RIMS1: variants seen among roughly 807,000 people sequenced by gnomAD.
RIMS1 encodes regulating synaptic membrane exocytosis protein 1.
RIMS1 carries 83 observed loss-of-function variants against 214.1 expected under a neutral mutation model. The observed-to-expected ratio is 0.39, with a 90% confidence interval of 0.32 to 0.47. RIMS1 has a LOEUF of 0.47. RIMS1 is among the 20% of genes least tolerant of loss of function. RIMS1 has a pLI of 0.99. For synonymous variants in RIMS1, 793 were observed against 786.8 expected (o/e 1.01, Z -0.13); for missense variants, 2,050 against 2,161.8 (o/e 0.95, Z 1.03).
intron 1 of RIMS1, among the ~76,000 whole-genome samples, chr6:71,892,050 G>T (rs1456988727): frequency 6.6e-6 from 1 of 152,176 alleles, no homozygotes; most frequent in Non-Finnish European, 1.5e-5. Context: ...TGTGAGTTGG[G>T]TATTTTAGAG....
At position 72,163,087 on chromosome 6, in the gene RIMS1, CTTTT is replaced by C. The variant is rs770834408; in HGVS notation, c.472-16486_472-16483del. On this transcript the variant is annotated intron_variant, in intron 4 of 33. Transcript: ENST00000521978. ...TATTTCTTGGAGGCTTTGTTCATTTCTTTTTATTATTTTTTTCTCTAATCTTCTC... is the reference window on the plus strand; with the variant it reads ...TATTTCTTGGAGGCTTTGTTCATTTCTATTATTTTTTTCTCTAATCTTCTC... Among the ~76,000 whole-genome samples, 4 of 138,008 alleles carry C rather than the reference CTTTT, an allele frequency of 2.9e-5. 1 individual carries two copies. Among genetic ancestry groups the C allele is most frequent in the Non-Finnish European group, 6.6e-5 (4 of 60,604 alleles). 90.5% of individuals were successfully genotyped at this position (138,008 alleles called of 152,430 possible).
chr6:71,903,358 A>G (rs1774289830), intron 1 of RIMS1, among the ~76,000 whole-genome samples: 1 of 152,218 alleles, frequency 6.6e-6, no homozygotes, highest in Admixed American at 6.5e-5. Flanking sequence ...TCCTTTGCCC[A>G]CTTTTTAATG....
chr6:71,915,132 G>C (rs1476171953), intron 1 of RIMS1, among the ~76,000 whole-genome samples: 4 of 151,844 alleles, frequency 2.6e-5, no homozygotes, highest in African/African-American at 9.7e-5. Flanking sequence ...TTATTTGTGG[G>C]TATTATTCAA....
rs1263805887 is a variant in RIMS1, at chr6:72,390,721, A to G, written c.4490A>G (p.Tyr1497Cys). Residue 1497 changes from tyrosine to cysteine, a missense_variant, in exon 30 of 34, where the codon TAC becomes TGC. Tyr to Cys is a radical substitution (Grantham distance 194). This residue lies in a region of RIMS1 where 121 missense variants were observed against 187.3 expected (regional missense o/e 0.65). Coordinates refer to ENST00000521978, the MANE Select transcript of RIMS1 (RefSeq NM_014989.7). Reference sequence around the variant, plus strand: ...TCTACTGATGGCAGCATCAACAGTTACAGCTCTGAGGGCAAGTAAGTGCTG... The same window carrying G: ...TCTACTGATGGCAGCATCAACAGTTGCAGCTCTGAGGGCAAGTAAGTGCTG... ...RESTDGSINS[Y>C]SSEGNLIFPG... is the part of the protein sequence containing the mutation. 6.2e-7 allele frequency: 1 copy of G among 1,613,774 alleles called. No homozygotes were observed. The highest frequency in any genetic ancestry group is 8.5e-7 in the Non-Finnish European group (1 of 1,179,776).
rs139185631 is a variant in RIMS1 at position 72,395,323 on chromosome 6, AAAAC to A, written c.4618+2524_4618+2527del. Among the ~76,000 whole-genome samples the A allele has an allele frequency of 5.6e-3, 855 of 152,194 alleles. 6 individuals carry two copies. Among genetic ancestry groups the A allele is most frequent in the East Asian group, 0.028 (144 of 5,186 alleles). On this transcript the variant is annotated intron_variant, in intron 31 of 33. Coordinates refer to ENST00000521978, the MANE Select transcript of RIMS1 (RefSeq NM_014989.7). ...GAGTGGTGAACTGAACAATCTGTAC[AAAAC>A]AAACAAACAAGGAAAAGCTTCTTCA...
At chr6:72,164,635 G>T (rs1364562959) in intron 4 of RIMS1, among the ~76,000 whole-genome samples, 1 of 152,076 alleles carries the variant, frequency 6.6e-6, no homozygotes, top group Non-Finnish European at 1.5e-5. Context: ...TAAATCTGTG[G>T]CATAATGTCT....
chr6:72,261,047 C>T (rs2077744924), intron 19 of RIMS1: 1 of 1,236,624 alleles, frequency 8.1e-7, no homozygotes, highest in Admixed American at 3.5e-5. Context: ...GAACCAGTTT[C>T]TGCAATTAAA....
At chr6:71,972,897 G>A (rs988341677) in intron 2 of RIMS1, among the ~76,000 whole-genome samples, 16 of 152,098 alleles carry the variant, frequency 1.1e-4, no homozygotes, top group Non-Finnish European at 2.1e-4. Flanking sequence ...TTACAGAGCT[G>A]CAACAGTAAT....
At chr6:72,367,865 G>A (rs186965156) in intron 29 of RIMS1, among the ~76,000 whole-genome samples, 1 of 152,230 alleles carries the variant, frequency 6.6e-6, no homozygotes, top group East Asian at 1.9e-4. Context: ...TCCAAGAAGA[G>A]TCATCTACAT....
At chr6:72,278,124 T>A (rs1478832433) in intron 23 of RIMS1, among the ~76,000 whole-genome samples, 1 of 151,786 alleles carries the variant, frequency 6.6e-6, no homozygotes, top group East Asian at 1.9e-4. Flanking sequence ...AGTTACTATC[T>A]TCAATATTTT....
intron 26 of RIMS1, among the ~76,000 whole-genome samples, chr6:72,302,426 A>G (rs933458278): frequency 1.3e-5 from 2 of 151,618 alleles, no homozygotes; most frequent in African/African-American, 4.8e-5. Context: ...TGATCTTCCT[A>G]TTCAGTCTTG....
At chr6:72,271,368 A>G (rs1443239696) in intron 22 of RIMS1, among the ~76,000 whole-genome samples, 1 of 149,096 alleles carries the variant, frequency 6.7e-6, no homozygotes, top group East Asian at 1.9e-4. Flanking sequence ...AAAAATTTTA[A>G]GGACTAAAGT....
At chr6:72,348,718 A>C (rs2097350196) in intron 29 of RIMS1, among the ~76,000 whole-genome samples, 1 of 151,502 alleles carries the variant, frequency 6.6e-6, no homozygotes, top group Non-Finnish European at 1.5e-5. Flanking sequence ...TTTTTTCAGC[A>C]CTCACTCCCT....
intron 2 of RIMS1, among the ~76,000 whole-genome samples, chr6:71,997,974 G>A (rs1803979696): frequency 1.3e-5 from 2 of 151,990 alleles, no homozygotes; most frequent in South Asian, 4.2e-4. Flanking sequence ...AAGTTGTCCA[G>A]CATGAACAAA....
At chr6:71,905,593 C>G (rs1369826266) in intron 1 of RIMS1, among the ~76,000 whole-genome samples, 2 of 75,680 alleles carry the variant, frequency 2.6e-5, no homozygotes, top group East Asian at 1.2e-3. Flanking sequence ...ATTAAGCTAC[C>G]TGTTTCCAAA....
chr6:72,097,834 TG>T, intron 3 of RIMS1, among the ~76,000 whole-genome samples: 1 of 152,316 alleles, frequency 6.6e-6, no homozygotes, highest in Middle Eastern at 3.4e-3. Context: ...AGCGTTAAGA[TG>T]CTAATATGAT....
intron 1 of RIMS1, among the ~76,000 whole-genome samples, chr6:71,936,978 A>G (rs1055699632): frequency 1.3e-5 from 2 of 152,176 alleles, no homozygotes; most frequent in African/African-American, 4.8e-5. Context: ...AAACTCTGGG[A>G]ATCTGGAGGA....
At chr6:72,334,765 A>G (rs1034108812) in intron 29 of RIMS1, among the ~76,000 whole-genome samples, 4 of 151,902 alleles carry the variant, frequency 2.6e-5, no homozygotes, top group Non-Finnish European at 5.9e-5. Flanking sequence ...GAAAGTACCT[A>G]TTTTAAATTA....
chr6:72,041,612 C>A (rs111843550), intron 2 of RIMS1, among the ~76,000 whole-genome samples: 2 of 151,958 alleles, frequency 1.3e-5, no homozygotes, highest in African/African-American at 4.8e-5. Context: ...TCTAATAAGA[C>A]GTGGCCTCAC....
Sources: gnomAD v4.1 joint callset for allele counts (sites outside exome capture counted in the v4.1 genomes callset) on GRCh38, gnomAD v4.1.1 for gene constraint, gnomAD v4.1.1 regional missense constraint, MANE v1.5 for transcripts, NCBI Gene and HGNC (gene_info 2026-07-23, HGNC 2026-07-21) for gene names.